Variants in SPPL3 observed in about 807,000 individuals in gnomAD.
The protein encoded by SPPL3 is signal peptide peptidase-like 3.
SPPL3 carries 5 observed loss-of-function variants against 42.4 expected under a neutral mutation model. The ratio of observed to expected loss-of-function variants is 0.12; its 90% CI spans 0.06 to 0.25. The LOEUF (loss-of-function observed/expected upper bound fraction) is 0.25. Ranked by LOEUF, SPPL3 falls within the 10% of genes least tolerant of loss-of-function variation. The probability of loss-of-function intolerance (pLI) is 1.00; values close to 1 mark genes in which losing one functional copy is unlikely to be tolerated. For missense variants in SPPL3, 235 were observed against 489.0 expected (o/e 0.48, Z 4.90); for synonymous variants, 195 against 181.8 (o/e 1.07, Z -0.58).
At chr12:120,896,950 TCA>T (rs774832126) in intron 1 of SPPL3, among the ~76,000 whole-genome samples, 9 of 152,156 alleles carry the variant, frequency 5.9e-5, no homozygotes, top group Non-Finnish European at 1.2e-4. Context: ...ATGACAGCAG[TCA>T]CACACAGTTT....
intron 1 of SPPL3, among the ~76,000 whole-genome samples, chr12:120,888,070 AACTATT>A (rs1169232123): frequency 1.3e-5 from 2 of 152,140 alleles, no homozygotes; most frequent in African/African-American, 4.8e-5. Flanking sequence ...TTCATCGCAT[AACTATT>A]ACTATTTTTG....
chr12:120,868,737 C>T (rs964670485), intron 1 of SPPL3, among the ~76,000 whole-genome samples: 5 of 152,184 alleles, frequency 3.3e-5, no homozygotes, highest in African/African-American at 1.2e-4. Context: ...ACCTCGGCCT[C>T]CCAAAGTGCT....
At chr12:120,867,288 T>A (rs1019573317) in intron 1 of SPPL3, among the ~76,000 whole-genome samples, 2 of 152,132 alleles carry the variant, frequency 1.3e-5, no homozygotes, top group African/African-American at 4.8e-5. Flanking sequence ...CATGGCAAAG[T>A]TTATATATAT....
chr12:120,825,546 G>A (rs1337082991), intron 1 of SPPL3, among the ~76,000 whole-genome samples: 1 of 152,160 alleles, frequency 6.6e-6, no homozygotes, highest in Non-Finnish European at 1.5e-5. Context: ...AATATCAACA[G>A]GAGCAAATAT....
Position 120,791,528 on chromosome 12 carries a change from T to A in SPPL3, c.131A>T (p.Asp44Val), listed in dbSNP as rs561253659. Residue 44 changes from aspartate to valine, a missense_variant, in exon 3 of 11, where the codon GAT becomes GTT. Asp to Val is a radical substitution (Grantham distance 152). This residue lies in a region of SPPL3 where 110 missense variants were observed against 186.2 expected (regional missense o/e 0.59). Transcript: ENST00000353487. ...AGAACTATTACTGTCTTTCTCCTTA[T>A]CTTGATTTTCAAAGTCCATATTAAG... ...RSLNMDFENQDKEKDSNSSSG... is the reference protein window; with the variant it reads ...RSLNMDFENQVKEKDSNSSSG... 3 of 1,605,908 alleles carry A rather than the reference T, an allele frequency of 1.9e-6. No homozygotes were observed. Among genetic ancestry groups the A allele is most frequent in the Middle Eastern group, 1.7e-4 (1 of 6,024 alleles).
chr12:120,813,468 C>T (rs3844037), intron 1 of SPPL3, among the ~76,000 whole-genome samples: 98,523 of 151,322 alleles, frequency 0.65, 32,412 homozygotes, highest in East Asian at 0.84. Flanking sequence ...CAGGCGCCCC[C>T]CCACCACGCC....
rs531069790 is a variant in SPPL3, at chr12:120,867,433, G to A, written c.23+36412C>T. 1.1e-4 allele frequency among the ~76,000 whole-genome samples: 17 copies of A among 152,230 alleles called. 1 individual carries two copies. The South Asian group carries it at 3.5e-3, about 32-fold the overall frequency. On this transcript the variant is annotated intron_variant, in intron 1 of 10. Coordinates refer to ENST00000353487, the MANE Select transcript of SPPL3 (RefSeq NM_139015.5). Reference sequence around the variant, plus strand: ...TGTAATCCCAGCACTTTGGAAGGCCGAGGTGGGTGGATCACAAGGTCAGGA... The same window carrying A: ...TGTAATCCCAGCACTTTGGAAGGCCAAGGTGGGTGGATCACAAGGTCAGGA...
Position 120,900,576 on chromosome 12 carries a change from A to G in SPPL3, c.23+3269T>C, listed in dbSNP as rs1241223413. Among the ~76,000 whole-genome samples, 11 of 150,276 alleles carry G rather than the reference A, an allele frequency of 7.3e-5. No individual in the cohort carries two copies. The Admixed American group carries it at 7.3e-4, about 10-fold the overall frequency. On this transcript the variant is annotated intron_variant, in intron 1 of 10. Coordinates refer to ENST00000353487, the MANE Select transcript of SPPL3 (RefSeq NM_139015.5). ...GCCACTGCACTCCAGCCTGCATGAT[A>G]AAGTGAGACCCTGTCTCAAGGAAAA...
intron 6 of SPPL3, among the ~76,000 whole-genome samples, chr12:120,781,382 T>C (rs1234116238): frequency 6.6e-6 from 1 of 152,088 alleles, no homozygotes; most frequent in Non-Finnish European, 1.5e-5. Context: ...AAGGATATGA[T>C]ATACTTTTAT....
intron 1 of SPPL3, among the ~76,000 whole-genome samples, chr12:120,812,011 T>C (rs1406144101): frequency 6.7e-6 from 1 of 149,830 alleles, no homozygotes; most frequent in African/African-American, 2.5e-5. Flanking sequence ...CAGGACACAA[T>C]AAACAGGACC....
chr12:120,798,275 T>C (rs1870173283), intron 2 of SPPL3, among the ~76,000 whole-genome samples: 1 of 152,210 alleles, frequency 6.6e-6, no homozygotes, highest in African/African-American at 2.4e-5. Context: ...TATACAGTAT[T>C]TGAGACATAT....
At position 120,763,342 on chromosome 12, in the gene SPPL3, G is replaced by A. The variant is rs1054891537; in HGVS notation, c.*1657C>T. 2 of 152,716 alleles carry A rather than the reference G, an allele frequency of 1.3e-5. No homozygotes were observed. The highest frequency in any genetic ancestry group is 2.9e-5 in the Non-Finnish European group (2 of 68,100). 9.5% of individuals were successfully genotyped at this position (152,716 alleles called of 1,614,324 possible). Reference sequence around the variant, plus strand: ...ACTGCTTCAGACTCTGTTGACAACAGGATGGGTGCCCCCTGTGAGCTCGAT... The same window carrying A: ...ACTGCTTCAGACTCTGTTGACAACAAGATGGGTGCCCCCTGTGAGCTCGAT... On this transcript the variant is annotated 3_prime_UTR_variant, in exon 11 of 11. Coordinates refer to ENST00000353487, the MANE Select transcript of SPPL3 (RefSeq NM_139015.5).
chr12:120,864,736 G>A (rs904073327), intron 1 of SPPL3, among the ~76,000 whole-genome samples: 1 of 152,278 alleles, frequency 6.6e-6, no homozygotes, highest in East Asian at 1.9e-4. Flanking sequence ...AACCCTACAG[G>A]TGCTTTTCCT....
intron 1 of SPPL3, among the ~76,000 whole-genome samples, chr12:120,847,424 C>A (rs185330091): frequency 6.6e-6 from 1 of 152,226 alleles, no homozygotes; most frequent in African/African-American, 2.4e-5. Context: ...TCCCAAGTAG[C>A]TGGGACCACA....
intron 1 of SPPL3, among the ~76,000 whole-genome samples, chr12:120,853,952 A>C (rs117100526): frequency 0.026 from 3,787 of 148,370 alleles, 82 homozygotes; most frequent in Middle Eastern, 0.052. Context: ...ACATGAAAAC[A>C]AACACCACCA....
At chr12:120,903,724 C>A in intron 1 of SPPL3, 121 bp downstream of exon 1, 2 of 674,122 alleles carry the variant, frequency 3.0e-6, no homozygotes, top group South Asian at 2.1e-5. Flanking sequence ...GCGTGCACCC[C>A]AACCCGCGCC....
intron 1 of SPPL3, among the ~76,000 whole-genome samples, chr12:120,843,786 C>T (rs1404897554): frequency 6.6e-6 from 1 of 152,064 alleles, no homozygotes; most frequent in East Asian, 1.9e-4. Context: ...AACCCTGTCC[C>T]GTCACTACCA....
intron 1 of SPPL3, among the ~76,000 whole-genome samples, chr12:120,853,983 TACACACACACACACACACACACACACAC>T (rs58246859): frequency 7.7e-6 from 1 of 130,216 alleles, no homozygotes; most frequent in African/African-American, 3.0e-5. Flanking sequence ...CACGCACACA[TACACACACACACACACACACACACACAC>T]ACACACACAC....
At chr12:120,828,883 G>A (rs190624881) in intron 1 of SPPL3, among the ~76,000 whole-genome samples, 9 of 152,058 alleles carry the variant, frequency 5.9e-5, no homozygotes, top group Admixed American at 3.3e-4. Context: ...AGCCTCCCGA[G>A]TTGCTGGGAC....
Sources: gnomAD v4.1 joint callset for allele counts (sites outside exome capture counted in the v4.1 genomes callset) on GRCh38, gnomAD v4.1.1 for gene constraint, gnomAD v4.1.1 regional missense constraint, MANE v1.5 for transcripts, NCBI Gene and HGNC (gene_info 2026-07-23, HGNC 2026-07-21) for gene names.